The following DOCK1 variants were observed in gnomAD, a reference collection of about 807,000 sequenced individuals.
DOCK1 encodes the protein dedicator of cytokinesis protein 1.
A neutral mutation model predicts 262.7 loss-of-function variants in DOCK1; 138 were observed. That is an observed-to-expected ratio of 0.53 (90% CI 0.46 to 0.61). DOCK1 has a LOEUF of 0.61. Ranked by LOEUF, DOCK1 falls within the 20% of genes least tolerant of loss-of-function variation. The pLI is 0.00. For missense variants in DOCK1, 1,908 were observed against 2,370.7 expected (o/e 0.80, Z 4.05); for synonymous variants, 866 against 867.4 (o/e 1.00, Z 0.03).
intron 27 of DOCK1, among the ~76,000 whole-genome samples, chr10:127,130,019 G>A (rs997907642): frequency 1.0e-4 from 15 of 150,288 alleles, no homozygotes; most frequent in African/African-American, 3.5e-4. Context: ...AGGGGGTGTG[G>A]TCCTGTCTCT....
intron 33 of DOCK1, among the ~76,000 whole-genome samples, chr10:127,362,906 TCTC>T (rs1565026907): frequency 6.5e-5 from 1 of 15,376 alleles, no homozygotes; most frequent in African/African-American, 2.6e-4. Context: ...CACATGTACA[TCTC>T]CACACACACA....
At chr10:126,965,970 T>G (rs2037642209) in intron 1 of DOCK1, among the ~76,000 whole-genome samples, 1 of 152,208 alleles carries the variant, frequency 6.6e-6, no homozygotes, top group Admixed American at 6.5e-5. Flanking sequence ...TTAATTCTCC[T>G]ATCTAGCTGT....
At chr10:127,320,188 G>A (rs1469173476) in intron 29 of DOCK1, among the ~76,000 whole-genome samples, 2 of 151,932 alleles carry the variant, frequency 1.3e-5, no homozygotes, top group African/African-American at 2.4e-5. Flanking sequence ...ACTGACCTTT[G>A]ACTCACCTCT....
At chr10:127,406,605 T>C (rs1050978322) in intron 40 of DOCK1, among the ~76,000 whole-genome samples, 1 of 152,206 alleles carries the variant, frequency 6.6e-6, no homozygotes, top group Non-Finnish European at 1.5e-5. Flanking sequence ...CTCCAAGAAC[T>C]GACTAGCTGT....
intron 23 of DOCK1, among the ~76,000 whole-genome samples, chr10:127,081,752 G>A (rs755421671): frequency 2.0e-5 from 3 of 152,062 alleles, no homozygotes; most frequent in African/African-American, 4.8e-5. Flanking sequence ...AAATAGAATC[G>A]TGGCCCTTAC....
chr10:127,074,695 C>T (rs553629253), intron 23 of DOCK1, among the ~76,000 whole-genome samples: 3 of 152,102 alleles, frequency 2.0e-5, no homozygotes, highest in Non-Finnish European at 2.9e-5. Context: ...TTTTTTAAAT[C>T]ACAAATTGTC....
At chr10:127,326,667 A>G (rs753196947) in intron 29 of DOCK1, among the ~76,000 whole-genome samples, 1 of 152,224 alleles carries the variant, frequency 6.6e-6, no homozygotes, top group African/African-American at 2.4e-5. Context: ...ACCTCCTCCC[A>G]TGAATCATGA....
At chr10:126,906,028 C>T (rs1482571213) in intron 1 of DOCK1, among the ~76,000 whole-genome samples, 12 of 152,124 alleles carry the variant, frequency 7.9e-5, no homozygotes, top group Non-Finnish European at 1.5e-4. Context: ...GGGCTCAGGT[C>T]GGCGCGGTCC....
chr10:126,967,469 A>G (rs2037757475), intron 1 of DOCK1, among the ~76,000 whole-genome samples: 1 of 152,120 alleles, frequency 6.6e-6, no homozygotes, highest in African/African-American at 2.4e-5. Flanking sequence ...TGAACCACAA[A>G]GTACCACTTT....
chr10:127,328,319 A>G (rs1010693313), intron 29 of DOCK1, among the ~76,000 whole-genome samples: 4 of 152,028 alleles, frequency 2.6e-5, no homozygotes, highest in African/African-American at 7.2e-5. Context: ...TAAGGATCCT[A>G]TTTTCTCTTA....
At chr10:127,069,003 T>C (rs1362662217) in intron 23 of DOCK1, among the ~76,000 whole-genome samples, 1 of 152,250 alleles carries the variant, frequency 6.6e-6, no homozygotes, top group Admixed American at 6.5e-5. Context: ...CTGACCTCTC[T>C]GTCTATGGCA....
chr10:126,977,159 G>A (rs929089449), intron 2 of DOCK1, among the ~76,000 whole-genome samples: 11 of 152,192 alleles, frequency 7.2e-5, no homozygotes, highest in African/African-American at 1.4e-4. Context: ...GGATACTGAC[G>A]GTAGACCCCT....
At chr10:126,915,803 C>G (rs530192469) in intron 1 of DOCK1, among the ~76,000 whole-genome samples, 70 of 152,256 alleles carry the variant, frequency 4.6e-4, no homozygotes, top group African/African-American at 1.5e-3. Flanking sequence ...TTCCCACCAT[C>G]CAAAAACACA....
At chr10:127,025,267 G>A (rs1290274563) in intron 15 of DOCK1, 1 of 152,456 alleles carries the variant, frequency 6.6e-6, no homozygotes, top group Non-Finnish European at 1.5e-5. Context: ...GTTGGCTCTG[G>A]AATACAGATG....
At chr10:127,080,461 T>C (rs2046837280) in intron 23 of DOCK1, among the ~76,000 whole-genome samples, 1 of 152,148 alleles carries the variant, frequency 6.6e-6, no homozygotes. Context: ...TTTGCTTTTG[T>C]ATTGTAATTA....
intron 37 of DOCK1, among the ~76,000 whole-genome samples, chr10:127,382,372 G>T (rs2065872575): frequency 6.6e-6 from 1 of 152,166 alleles, no homozygotes; most frequent in African/African-American, 2.4e-5. Flanking sequence ...TAGTTTCTGT[G>T]ACACAAATAT....
At chr10:127,372,056 G>T (rs898991059) in intron 33 of DOCK1, among the ~76,000 whole-genome samples, 3 of 152,174 alleles carry the variant, frequency 2.0e-5, no homozygotes, top group Admixed American at 1.3e-4. Context: ...GTGTTTATTT[G>T]GGGGAGGAGA....
At chr10:127,422,915 C>T (rs995453133) in intron 46 of DOCK1, among the ~76,000 whole-genome samples, 1 of 151,960 alleles carries the variant, frequency 6.6e-6, no homozygotes, top group Non-Finnish European at 1.5e-5. Flanking sequence ...TCAAGTCCTA[C>T]AGAGGAAAAT....
chr10:126,917,565 C>T (rs1254131194), intron 1 of DOCK1, among the ~76,000 whole-genome samples: 1 of 152,198 alleles, frequency 6.6e-6, no homozygotes, highest in Non-Finnish European at 1.5e-5. Context: ...ACTCCCCTGC[C>T]TCAGCTTCAC....
Sources: gnomAD v4.1 joint callset for allele counts (sites outside exome capture counted in the v4.1 genomes callset) on GRCh38, gnomAD v4.1.1 for gene constraint, MANE v1.5 for transcripts, NCBI Gene and HGNC (gene_info 2026-07-23, HGNC 2026-07-21) for gene names.